LOC128125817: variants seen among roughly 807,000 people sequenced by gnomAD.
At chr1:41,613,657 C>A in the LOC128125817 span, among the ~76,000 whole-genome samples, 1 of 152,198 alleles carries the variant, frequency 6.6e-6, no homozygotes, top group African/African-American at 2.4e-5. Flanking sequence ...AAACATAACT[C>A]TTTAAATGCT....
chr1:41,624,092 G>C, the LOC128125817 span, among the ~76,000 whole-genome samples: 4,527 of 152,224 alleles, frequency 0.03, 77 homozygotes, highest in Middle Eastern at 0.075. Flanking sequence ...GCCTCCCTGG[G>C]TTGCGAAGAG....
the LOC128125817 span, among the ~76,000 whole-genome samples, chr1:41,603,313 C>A: frequency 1.3e-5 from 2 of 151,908 alleles, no homozygotes; most frequent in Admixed American, 6.6e-5. Context: ...GGTGATCCAC[C>A]CACCTCGGCC....
At chr1:41,603,124 C>T in the LOC128125817 span, among the ~76,000 whole-genome samples, 7 of 151,094 alleles carry the variant, frequency 4.6e-5, no homozygotes, top group Admixed American at 1.3e-4. Flanking sequence ...TGCAGTGTAG[C>T]GGCGCGATCT....
At chr1:41,605,797 GT>G in the LOC128125817 span, among the ~76,000 whole-genome samples, 1 of 152,056 alleles carries the variant, frequency 6.6e-6, no homozygotes, top group Non-Finnish European at 1.5e-5. Context: ...TGGTTAGAGT[GT>G]TGGGTGTGCA....
the LOC128125817 span, among the ~76,000 whole-genome samples, chr1:41,612,980 C>A: frequency 3.3e-5 from 5 of 152,236 alleles, no homozygotes; most frequent in Admixed American, 3.3e-4. Context: ...CTGGCCCTGG[C>A]AGGGTGAATG....
At chr1:41,618,215 C>T in the LOC128125817 span, among the ~76,000 whole-genome samples, 1 of 152,334 alleles carries the variant, frequency 6.6e-6, no homozygotes, top group East Asian at 1.9e-4. Context: ...GAGCCCGGAG[C>T]CACCAGGCTT....
At chr1:41,607,733 T>C in the LOC128125817 span, among the ~76,000 whole-genome samples, 696 of 152,326 alleles carry the variant, frequency 4.6e-3, 2 homozygotes, top group Non-Finnish European at 8.3e-3. Flanking sequence ...AGGATACAGG[T>C]TCTAGCTCCT....
the LOC128125817 span, chr1:41,628,737 C>A: frequency 8.1e-7 from 1 of 1,231,664 alleles, no homozygotes. Context: ...AGCAACAGCC[C>A]CCATTTCCTA....
the LOC128125817 span, among the ~76,000 whole-genome samples, chr1:41,606,985 T>A: frequency 2.0e-5 from 3 of 152,250 alleles, no homozygotes; most frequent in East Asian, 3.9e-4. Context: ...TGTTTCTTTT[T>A]TTTTTATTTT....
At chr1:41,620,794 C>T in the LOC128125817 span, among the ~76,000 whole-genome samples, 1 of 152,212 alleles carries the variant, frequency 6.6e-6, no homozygotes, top group Non-Finnish European at 1.5e-5. Context: ...GTCACTCACC[C>T]TCCACTCCTA....
At chr1:41,617,891 G>A in the LOC128125817 span, among the ~76,000 whole-genome samples, 1 of 152,148 alleles carries the variant, frequency 6.6e-6, no homozygotes, top group Admixed American at 6.5e-5. Flanking sequence ...TTTTAGTTCA[G>A]TGTCTTCTTT....
At chr1:41,625,035 C>A in the LOC128125817 span, among the ~76,000 whole-genome samples, 4 of 151,830 alleles carry the variant, frequency 2.6e-5, no homozygotes, top group African/African-American at 9.7e-5. Flanking sequence ...TGGTGGCATG[C>A]GCCTGTAAGC....
chr1:41,622,998 A>C, the LOC128125817 span, among the ~76,000 whole-genome samples: 1 of 152,238 alleles, frequency 6.6e-6, no homozygotes, highest in Admixed American at 6.5e-5. Context: ...AGAGAAGTGA[A>C]GTCATTTGCC....
At chr1:41,610,045 G>A in the LOC128125817 span, among the ~76,000 whole-genome samples, 1 of 152,200 alleles carries the variant, frequency 6.6e-6, no homozygotes, top group South Asian at 2.1e-4. Flanking sequence ...GATGTCTGCA[G>A]ACTACCTTTA....
the LOC128125817 span, among the ~76,000 whole-genome samples, chr1:41,589,960 T>C: frequency 6.6e-6 from 1 of 152,248 alleles, no homozygotes; most frequent in African/African-American, 2.4e-5. Context: ...GGCCACAGGC[T>C]GAAGAGGAGG....
chr1:41,585,439 C>A, the LOC128125817 span: 11 of 397,626 alleles, frequency 2.8e-5, no homozygotes, highest in East Asian at 3.2e-4. Flanking sequence ...TGAGACCCCT[C>A]AAAAGTTAAC....
At chr1:41,600,272 T>A in the LOC128125817 span, among the ~76,000 whole-genome samples, 1 of 152,202 alleles carries the variant, frequency 6.6e-6, no homozygotes, top group African/African-American at 2.4e-5. Flanking sequence ...TACATCTATG[T>A]TCATAGCGGC....
chr1:41,615,682 G>A, the LOC128125817 span, among the ~76,000 whole-genome samples: 1 of 152,176 alleles, frequency 6.6e-6, no homozygotes, highest in Non-Finnish European at 1.5e-5. Context: ...AAGCCCGGTG[G>A]GGGCAGGGTA....
At chr1:41,626,830 T>C in the LOC128125817 span, among the ~76,000 whole-genome samples, 2 of 152,188 alleles carry the variant, frequency 1.3e-5, no homozygotes, top group African/African-American at 4.8e-5. Context: ...GGGTCATCCT[T>C]GGAGCTGTCA....
Sources: gnomAD v4.1 joint callset for allele counts (sites outside exome capture counted in the v4.1 genomes callset) on GRCh38, gnomAD v4.1.1 for gene constraint, MANE v1.5 for transcripts.